ABLIM1: variants seen among roughly 807,000 people sequenced by gnomAD.
ABLIM1 encodes actin-binding LIM protein 1.
In ABLIM1, 40 loss-of-function variants were observed where a neutral mutation model predicts 107.0. The ratio of observed to expected loss-of-function variants is 0.37; its 90% CI spans 0.29 to 0.49. ABLIM1 has a LOEUF of 0.49. Ranked by LOEUF, ABLIM1 falls within the 20% of genes least tolerant of loss-of-function variation. ABLIM1 has a pLI of 0.97. For missense variants in ABLIM1, 857 were observed against 1,008.5 expected (o/e 0.85, Z 2.04); for synonymous variants, 357 against 357.3 (o/e 1.00, Z 0.01).
chr10:114,635,756 A>G (rs553672009), intron 1 of ABLIM1, among the ~76,000 whole-genome samples: 1 of 152,316 alleles, frequency 6.6e-6, no homozygotes, highest in East Asian at 1.9e-4. Context: ...TCCTGAACTC[A>G]GGTGATCTGC....
intron 1 of ABLIM1, among the ~76,000 whole-genome samples, chr10:114,615,735 A>G (rs1488576725): frequency 6.6e-6 from 1 of 152,222 alleles, no homozygotes; most frequent in African/African-American, 2.4e-5. Context: ...AGTGTCTACT[A>G]TCAGTTAGGT....
At chr10:114,438,347 C>A (rs766212310) in intron 21 of ABLIM1, among the ~76,000 whole-genome samples, 50 of 152,146 alleles carry the variant, frequency 3.3e-4, no homozygotes, top group Non-Finnish European at 5.9e-4. Flanking sequence ...GTAGCCTCAA[C>A]CTATCAGGCC....
chr10:114,494,886 C>T (rs2059463609), intron 6 of ABLIM1, among the ~76,000 whole-genome samples: 1 of 152,070 alleles, frequency 6.6e-6, no homozygotes, highest in Non-Finnish European at 1.5e-5. Flanking sequence ...TAGAACTTAC[C>T]CCACGCAGTT....
At chr10:114,467,850 T>A (rs1008172244) in intron 11 of ABLIM1, among the ~76,000 whole-genome samples, 15 of 152,202 alleles carry the variant, frequency 9.9e-5, no homozygotes, top group African/African-American at 3.6e-4. Flanking sequence ...TATATTAGGG[T>A]TCAGAAAAAT....
chr10:114,498,730 T>C (rs2060010331), intron 6 of ABLIM1, among the ~76,000 whole-genome samples: 1 of 152,174 alleles, frequency 6.6e-6, no homozygotes, highest in Non-Finnish European at 1.5e-5. Context: ...TCAAGAACCT[T>C]AAAATTCAAA....
chr10:114,562,166 G>C (rs1245078107), intron 4 of ABLIM1, among the ~76,000 whole-genome samples: 1 of 152,158 alleles, frequency 6.6e-6, no homozygotes, highest in Non-Finnish European at 1.5e-5. Flanking sequence ...GTTCAGAAAA[G>C]TGTAGCTGCT....
intron 1 of ABLIM1, among the ~76,000 whole-genome samples, chr10:114,621,834 C>T (rs976674850): frequency 3.3e-5 from 5 of 152,312 alleles, no homozygotes; most frequent in South Asian, 2.1e-4. Context: ...GTGATCAGGC[C>T]GCTACTAGAA....
chr10:114,561,877 T>G (rs2497739), intron 4 of ABLIM1, among the ~76,000 whole-genome samples: 56,692 of 152,106 alleles, frequency 0.37, 13,908 homozygotes, highest in African/African-American at 0.7. Context: ...AGCAGGAATT[T>G]TTCTTCCTTT....
chr10:114,521,883 A>C (rs75247384), intron 6 of ABLIM1, among the ~76,000 whole-genome samples: 10,159 of 152,276 alleles, frequency 0.067, 627 homozygotes, highest in East Asian at 0.28. Flanking sequence ...GAACAGTGCC[A>C]TGAAGAACCT....
intron 10 of ABLIM1, among the ~76,000 whole-genome samples, chr10:114,468,914 C>T (rs778845944): frequency 2.3e-4 from 35 of 151,662 alleles, no homozygotes; most frequent in Non-Finnish European, 3.7e-4. Flanking sequence ...TAGCCAGGCG[C>T]GGTGGCGGGC....
chr10:114,739,102 C>T (rs58560432), intron 1 of ABLIM1, among the ~76,000 whole-genome samples: 3,018 of 152,166 alleles, frequency 0.02, 86 homozygotes, highest in African/African-American at 0.067. Context: ...AAAGAAAATC[C>T]ATTGGATTTT....
At chr10:114,469,083 C>T (rs1201332386) in intron 10 of ABLIM1, among the ~76,000 whole-genome samples, 1 of 146,856 alleles carries the variant, frequency 6.8e-6, no homozygotes, top group Non-Finnish European at 1.5e-5. Context: ...AGAACCATGA[C>T]TAGATATGAT....
chr10:114,624,343 T>G (rs1326602242), intron 1 of ABLIM1, among the ~76,000 whole-genome samples: 2 of 152,134 alleles, frequency 1.3e-5, no homozygotes, highest in African/African-American at 2.4e-5. Context: ...GGCCACCTCC[T>G]CAAAATGAAT....
At chr10:114,666,046 T>A (rs1197710051) in intron 1 of ABLIM1, among the ~76,000 whole-genome samples, 1 of 152,218 alleles carries the variant, frequency 6.6e-6, no homozygotes, top group African/African-American at 2.4e-5. Flanking sequence ...TCCCATAGCG[T>A]GGGCAAATCA....
chr10:114,463,055 G>T, intron 12 of ABLIM1: 1 of 1,339,832 alleles, frequency 7.5e-7, no homozygotes. Flanking sequence ...CTTTGATATG[G>T]GGAATGAAGT....
intron 2 of ABLIM1, among the ~76,000 whole-genome samples, chr10:114,591,953 A>T (rs929758906): frequency 1.1e-4 from 17 of 152,146 alleles, no homozygotes; most frequent in African/African-American, 4.1e-4. Context: ...TGGATTGGGG[A>T]TATTCAACCC....
the ABLIM1 span, among the ~76,000 whole-genome samples, chr10:114,800,183 G>A: frequency 1.3e-5 from 2 of 152,138 alleles, no homozygotes; most frequent in East Asian, 1.9e-4. Flanking sequence ...GCCCTTACCT[G>A]ATGGTAAGAT....
intron 1 of ABLIM1, among the ~76,000 whole-genome samples, chr10:114,626,583 G>C (rs889035498): frequency 2.0e-5 from 3 of 152,000 alleles, no homozygotes; most frequent in Admixed American, 2.0e-4. Flanking sequence ...TTCACCACTA[G>C]AAACTCTCTC....
At chr10:114,553,532 A>G (rs2068343640) in intron 4 of ABLIM1, among the ~76,000 whole-genome samples, 1 of 152,224 alleles carries the variant, frequency 6.6e-6, no homozygotes, top group African/African-American at 2.4e-5. Flanking sequence ...ATTGGAAAAC[A>G]GAGAGCTGAG....
Sources: gnomAD v4.1 joint callset for allele counts (sites outside exome capture counted in the v4.1 genomes callset) on GRCh38, gnomAD v4.1.1 for gene constraint, MANE v1.5 for transcripts, NCBI Gene and HGNC (gene_info 2026-07-23, HGNC 2026-07-21) for gene names.